The following GPC3 variants were observed in gnomAD, a reference collection of about 807,000 sequenced individuals.
GPC3 encodes glypican-3.
Under a neutral mutation model 34.4 loss-of-function variants are expected in GPC3, and 3 were observed. That is an observed-to-expected ratio of 0.09 (90% CI 0.04 to 0.23). The LOEUF (loss-of-function observed/expected upper bound fraction) is 0.23. Among genes scored for constraint, GPC3 ranks in the 10% least tolerant of loss-of-function variants. The pLI is 1.00. For synonymous variants in GPC3, 177 were observed against 174.0 expected, an observed-to-expected ratio of 1.02 and a Z score of -0.13; for missense variants, 351 against 445.6, an observed-to-expected ratio of 0.79 and a Z score of 1.91.
intron 6 of GPC3, among the ~76,000 whole-genome samples, chrX:133,627,312 A>T (rs1486764472): frequency 9.1e-6 from 1 of 109,942 alleles, no homozygotes; most frequent in Admixed American, 9.7e-5. Context: ...TTAAAAGTAT[A>T]AAAAAAAAGA....
chrX:133,962,202 C>A (rs778771275), intron 1 of GPC3, among the ~76,000 whole-genome samples: 1 of 112,232 alleles, frequency 8.9e-6, no homozygotes, highest in Non-Finnish European at 1.9e-5. Context: ...GAGATGAACT[C>A]CAAAAGCTTT....
At chrX:133,889,224 T>C (rs761444925) in intron 2 of GPC3, among the ~76,000 whole-genome samples, 1 of 112,313 alleles carries the variant, frequency 8.9e-6, no homozygotes, top group South Asian at 3.7e-4. Flanking sequence ...CAAAGGCCTG[T>C]CACTATGTGA....
At chrX:133,737,350 CA>C (rs1274457637) in intron 3 of GPC3, among the ~76,000 whole-genome samples, 1 of 111,934 alleles carries the variant, frequency 8.9e-6, no homozygotes, top group African/African-American at 3.3e-5. Context: ...ATGTAAATGA[CA>C]GGCTTTGGGT....
At chrX:133,861,648 G>C (rs2075936736) in intron 2 of GPC3, among the ~76,000 whole-genome samples, 1 of 111,094 alleles carries the variant, frequency 9.0e-6, no homozygotes, top group Non-Finnish European at 1.9e-5. Context: ...GGCCCTGGTG[G>C]GAGGCGTTTG....
intron 2 of GPC3, among the ~76,000 whole-genome samples, chrX:133,869,099 T>C (rs904982724): frequency 1.5e-4 from 17 of 112,070 alleles, no homozygotes; most frequent in Non-Finnish European, 2.6e-4. Flanking sequence ...CTTCCTCCAG[T>C]ATTCAGCAGT....
chrX:133,787,191 T>A (rs994500558), intron 2 of GPC3, among the ~76,000 whole-genome samples: 7 of 112,164 alleles, frequency 6.2e-5, no homozygotes, highest in Non-Finnish European at 1.3e-4. Context: ...AGAAATCATA[T>A]CCAGAAAGAG....
At chrX:133,718,026 G>T (rs2071331081) in intron 3 of GPC3, among the ~76,000 whole-genome samples, 2 of 111,502 alleles carry the variant, frequency 1.8e-5, no homozygotes, top group South Asian at 3.8e-4. Context: ...GGTGGAAGCT[G>T]CAGTGAGCCA....
chrX:133,558,646 A>G (rs761917538), intron 7 of GPC3, among the ~76,000 whole-genome samples: 27 of 110,569 alleles, frequency 2.4e-4, no homozygotes, highest in African/African-American at 8.9e-4. Context: ...TAATCCCAGC[A>G]CTTTGGGAGG....
At chrX:133,857,846 CT>C (rs775524753) in intron 2 of GPC3, among the ~76,000 whole-genome samples, 1 of 112,319 alleles carries the variant, frequency 8.9e-6, no homozygotes, top group South Asian at 3.7e-4. Flanking sequence ...TCCACTAAGC[CT>C]TTTGACAATT....
chrX:133,767,206 T>C (rs1225828992), intron 2 of GPC3, among the ~76,000 whole-genome samples: 1 of 111,931 alleles, frequency 8.9e-6, no homozygotes, highest in Non-Finnish European at 1.9e-5. Context: ...CTGGGTCTAC[T>C]AAATATTTCA....
intron 2 of GPC3, among the ~76,000 whole-genome samples, chrX:133,823,342 A>T (rs940183786): frequency 9.1e-6 from 1 of 109,874 alleles, no homozygotes; most frequent in Non-Finnish European, 1.9e-5. Flanking sequence ...ATGAAGATGA[A>T]ATTAAAAAGA....
intron 2 of GPC3, among the ~76,000 whole-genome samples, chrX:133,903,440 T>C (rs1340708662): frequency 1.8e-5 from 2 of 109,257 alleles, no homozygotes; most frequent in African/African-American, 6.7e-5. Flanking sequence ...AATGCAAAAA[T>C]TAGCCAGGCG....
chrX:133,694,996 T>G (rs780039819), intron 4 of GPC3, among the ~76,000 whole-genome samples: 1 of 111,665 alleles, frequency 9.0e-6, no homozygotes, highest in South Asian at 3.9e-4. Flanking sequence ...AATATATTAG[T>G]CTGTTCTCAC....
chrX:133,598,288 G>C (rs1603184124), intron 6 of GPC3, among the ~76,000 whole-genome samples: 1 of 109,861 alleles, frequency 9.1e-6, no homozygotes, highest in Admixed American at 9.7e-5. Flanking sequence ...AAGTAGCTGG[G>C]ACTACAGGTG....
At chrX:133,821,135 C>G (rs888663540) in intron 2 of GPC3, among the ~76,000 whole-genome samples, 43 of 111,656 alleles carry the variant, frequency 3.9e-4, no homozygotes, top group Admixed American at 1.9e-4. Context: ...TTTTTCAACA[C>G]CTGGTGAATG....
chrX:133,662,377 T>G (rs937176173), intron 5 of GPC3, among the ~76,000 whole-genome samples: 3 of 112,086 alleles, frequency 2.7e-5, no homozygotes, highest in Non-Finnish European at 5.6e-5. Flanking sequence ...TCAAATCACT[T>G]TCACCATAAA....
At chrX:133,823,128 CAAAAAAAAAAAAAAAAAA>C (rs34231185) in intron 2 of GPC3, among the ~76,000 whole-genome samples, 7 of 18,869 alleles carry the variant, frequency 3.7e-4, no homozygotes, top group East Asian at 3.0e-3. Context: ...GACTCCGTCT[CAAAAAAAAAAAAAAAAAA>C]AAAAAAAAAA....
chrX:133,917,542 A>T (rs897323801), intron 2 of GPC3, among the ~76,000 whole-genome samples: 1 of 111,958 alleles, frequency 8.9e-6, no homozygotes, highest in Middle Eastern at 4.6e-3. Context: ...CTATACAGTC[A>T]ATGTTAATTA....
chrX:133,618,446 C>T (rs2070190402), intron 6 of GPC3, among the ~76,000 whole-genome samples: 1 of 111,351 alleles, frequency 9.0e-6, no homozygotes, highest in East Asian at 2.8e-4. Flanking sequence ...ATGCTCTTGT[C>T]AACAAATGGT....
Sources: allele counts gnomAD v4.1 joint callset (sites outside exome capture counted in the v4.1 genomes callset), GRCh38; gene constraint gnomAD v4.1.1; transcripts MANE v1.5; gene names NCBI Gene and HGNC (gene_info 2026-07-23, HGNC 2026-07-21).